The following CCDC148 variants were observed in gnomAD, a reference collection of about 807,000 sequenced individuals.
CCDC148 encodes the protein coiled-coil domain containing 148.
In CCDC148, 89 loss-of-function variants were observed where a neutral mutation model predicts 85.7. That is an observed-to-expected ratio of 1.04 (90% CI 0.87 to 1.24). The LOEUF (loss-of-function observed/expected upper bound fraction) is 1.24. Ranked by LOEUF, CCDC148 falls within the 50% of genes most tolerant of loss-of-function variation. The probability of loss-of-function intolerance (pLI) is 0.00; values close to 1 mark genes in which losing one functional copy is unlikely to be tolerated. For synonymous variants in CCDC148, 230 were observed against 213.9 expected (o/e 1.08, Z -0.66); for missense variants, 692 against 671.7 (o/e 1.03, Z -0.33).
intron 1 of CCDC148, among the ~76,000 whole-genome samples, chr2:158,407,219 A>G (rs990200460): frequency 6.6e-6 from 1 of 152,028 alleles, no homozygotes; most frequent in Admixed American, 6.5e-5. Context: ...CTGAATTCTC[A>G]TTTCTAAAAC....
intron 7 of CCDC148, among the ~76,000 whole-genome samples, chr2:158,322,587 T>G (rs1015723967): frequency 7.9e-5 from 12 of 152,072 alleles, no homozygotes; most frequent in Non-Finnish European, 1.8e-4. Flanking sequence ...TTTAAAAATT[T>G]TCTTTAACAA....
At chr2:158,305,075 A>G (rs1439359570) in intron 9 of CCDC148, among the ~76,000 whole-genome samples, 2 of 152,134 alleles carry the variant, frequency 1.3e-5, no homozygotes, top group Admixed American at 6.6e-5. Flanking sequence ...AGGAGAGCAG[A>G]GAACGCATCC....
intron 1 of CCDC148, among the ~76,000 whole-genome samples, chr2:158,437,786 G>A (rs1012488535): frequency 1.3e-5 from 2 of 152,144 alleles, no homozygotes; most frequent in African/African-American, 4.8e-5. Flanking sequence ...AAAGTCTCAG[G>A]ATACAAAATC....
At position 158,309,286 on chromosome 2, in the gene CCDC148, A is replaced by G. The variant is rs1443882180; in HGVS notation, c.1110+147T>C. Reference sequence around the variant, plus strand: ...GACTGTATTTGACCTAAAAAATGCAATTTTATACAGTTCAAACTAACAGTT... The same window carrying G: ...GACTGTATTTGACCTAAAAAATGCAGTTTTATACAGTTCAAACTAACAGTT... On this transcript the variant is annotated intron_variant, in intron 9 of 13. Coordinates refer to ENST00000283233, the MANE Select transcript of CCDC148 (RefSeq NM_138803.4). 4.4e-6 allele frequency: 3 copies of G among 677,670 alleles called. No individual in the cohort carries two copies. In the African/African-American group the frequency reaches 5.4e-5, roughly 12 times the overall value. The allele number at this position is 677,670 out of a possible 1,614,324, so 42.0% of individuals were successfully genotyped here.
At chr2:158,389,739 A>G (rs1048365358) in intron 1 of CCDC148, among the ~76,000 whole-genome samples, 2 of 152,218 alleles carry the variant, frequency 1.3e-5, no homozygotes, top group East Asian at 3.8e-4. Flanking sequence ...TATTTCCAAG[A>G]CAACTTTTGC....
At chr2:158,383,820 C>T (rs1684976762) in intron 1 of CCDC148, among the ~76,000 whole-genome samples, 1 of 152,126 alleles carries the variant, frequency 6.6e-6, no homozygotes, top group Non-Finnish European at 1.5e-5. Flanking sequence ...ACTTTACTGT[C>T]AACTGATCCT....
intron 8 of CCDC148, among the ~76,000 whole-genome samples, chr2:158,311,559 A>G (rs1009297603): frequency 6.6e-6 from 1 of 152,124 alleles, no homozygotes; most frequent in African/African-American, 2.4e-5. Flanking sequence ...AGCTAAAACC[A>G]CTTTCATTTC....
intron 1 of CCDC148, chr2:158,420,111 T>C: frequency 6.6e-6 from 1 of 152,064 alleles, no homozygotes; most frequent in East Asian, 1.9e-4. Context: ...GTAAAATGTG[T>C]ATTGGAGGTT....
chr2:158,433,087 A>ATATATATATATATAT (rs1242018411), intron 1 of CCDC148, among the ~76,000 whole-genome samples: 47 of 51,572 alleles, frequency 9.1e-4, no homozygotes, highest in East Asian at 6.9e-3. Context: ...AAAAAAAAAA[A>ATATATATATATATAT]AAAAATATAT....
At chr2:158,277,566 T>C (rs904090146) in intron 9 of CCDC148, among the ~76,000 whole-genome samples, 2 of 152,178 alleles carry the variant, frequency 1.3e-5, no homozygotes, top group African/African-American at 4.8e-5. Flanking sequence ...CCCCTTTCAA[T>C]ACTCACAACA....
intron 1 of CCDC148, among the ~76,000 whole-genome samples, chr2:158,447,908 C>T (rs893726817): frequency 6.6e-6 from 1 of 152,038 alleles, no homozygotes; most frequent in African/African-American, 2.4e-5. Context: ...TGCAATTTAT[C>T]AATTTCTTCT....
At chr2:158,417,996 T>C (rs1686581657) in intron 1 of CCDC148, among the ~76,000 whole-genome samples, 1 of 152,142 alleles carries the variant, frequency 6.6e-6, no homozygotes, top group Non-Finnish European at 1.5e-5. Context: ...AACAACTATA[T>C]TTAAATACTT....
At chr2:158,265,504 T>C (rs1027615021) in intron 9 of CCDC148, among the ~76,000 whole-genome samples, 1 of 145,972 alleles carries the variant, frequency 6.9e-6, no homozygotes, top group African/African-American at 2.4e-5. Context: ...GTCATTAGTA[T>C]ATAAATTAAA....
At chr2:158,379,987 C>T (rs1684805693) in intron 1 of CCDC148, among the ~76,000 whole-genome samples, 1 of 152,092 alleles carries the variant, frequency 6.6e-6, no homozygotes, top group East Asian at 1.9e-4. Flanking sequence ...GGGGTCTCAC[C>T]ATGTTGCCCA....
intron 11 of CCDC148, among the ~76,000 whole-genome samples, chr2:158,202,727 T>C (rs529417049): frequency 3.9e-5 from 6 of 152,208 alleles, no homozygotes; most frequent in Non-Finnish European, 7.3e-5. Flanking sequence ...TTCATATAAT[T>C]TCTACACAAC....
chr2:158,326,236 T>C (rs12617237), intron 7 of CCDC148, among the ~76,000 whole-genome samples: 17,983 of 152,092 alleles, frequency 0.12, 1,643 homozygotes, highest in African/African-American at 0.26. Flanking sequence ...TACCCAAATA[T>C]CTGCAGGACT....
At chr2:158,354,367 T>C (rs1031394440) in intron 2 of CCDC148, among the ~76,000 whole-genome samples, 6 of 151,964 alleles carry the variant, frequency 3.9e-5, no homozygotes, top group African/African-American at 1.5e-4. Flanking sequence ...AAGAATCTAA[T>C]AGACACAATA....
At chr2:158,258,384 A>G (rs1333613168) in intron 9 of CCDC148, among the ~76,000 whole-genome samples, 1 of 151,864 alleles carries the variant, frequency 6.6e-6, no homozygotes, top group East Asian at 1.9e-4. Context: ...TTCCTTCTGC[A>G]ATCAACTCAG....
chr2:158,421,968 C>G (rs1169890756), intron 1 of CCDC148, among the ~76,000 whole-genome samples: 4 of 152,142 alleles, frequency 2.6e-5, no homozygotes, highest in African/African-American at 9.7e-5. Flanking sequence ...CACCTCTATG[C>G]AAATAAACTA....
Sources: gnomAD v4.1 joint callset for allele counts (sites outside exome capture counted in the v4.1 genomes callset) on GRCh38, gnomAD v4.1.1 for gene constraint, MANE v1.5 for transcripts, NCBI Gene and HGNC (gene_info 2026-07-23, HGNC 2026-07-21) for gene names.